SEC16B: variants seen among roughly 807,000 people sequenced by gnomAD.
SEC16B encodes the protein protein transport protein Sec16B.
A neutral mutation model predicts 141.8 loss-of-function variants in SEC16B; 115 were observed. That is an observed-to-expected ratio of 0.81 (90% CI 0.70 to 0.95). The LOEUF is 0.95. SEC16B is among the 40% of genes least tolerant of loss of function. SEC16B has a pLI of 0.00. For synonymous variants in SEC16B, 493 were observed against 492.5 expected (o/e 1.00, Z -0.01); for missense variants, 1,291 against 1,312.3 (o/e 0.98, Z 0.25).
At chr1:177,966,805 C>A (rs1306684300) in intron 2 of SEC16B, among the ~76,000 whole-genome samples, 1 of 152,196 alleles carries the variant, frequency 6.6e-6, no homozygotes, top group African/African-American at 2.4e-5. Flanking sequence ...GAACTCCCAA[C>A]CTCAGATGAT....
intron 13 of SEC16B, among the ~76,000 whole-genome samples, chr1:177,947,171 T>G (rs1304757111): frequency 6.6e-6 from 1 of 152,134 alleles, no homozygotes; most frequent in Non-Finnish European, 1.5e-5. Flanking sequence ...GAGCAATATT[T>G]TAAAAAGCCT....
chr1:177,971,219 T>C (rs540798553), upstream of SEC16B, among the ~76,000 whole-genome samples: 1 of 152,210 alleles, frequency 6.6e-6, no homozygotes, highest in South Asian at 2.1e-4. Context: ...GTAGCTGGGA[T>C]TACAGGTGCG....
chr1:177,948,240 T>A (rs1571324427), intron 12 of SEC16B: 6 of 890,552 alleles, frequency 6.7e-6, no homozygotes, highest in Non-Finnish European at 9.3e-6. Flanking sequence ...TTCTCCCCAG[T>A]GCCTGACCCC....
intron 12 of SEC16B, among the ~76,000 whole-genome samples, chr1:177,951,635 G>C (rs1439069756): frequency 6.6e-6 from 1 of 152,300 alleles, no homozygotes; most frequent in Middle Eastern, 3.4e-3. Flanking sequence ...GACAGATCCT[G>C]ACCCCACTAC....
At position 177,929,571 on chromosome 1, in the gene SEC16B, C is replaced by G. The variant is rs1254652150; in HGVS notation, c.*287G>C. ...TTCCCCAAGGCTCTCAAGCCACCAC[C>G]ATAAGTGCCACCACCATGTCACTCT... is the stretch of plus-strand genomic sequence containing the variant. On this transcript the variant is annotated 3_prime_UTR_variant, in exon 26 of 26. Transcript: ENST00000308284. 2.5e-6 allele frequency: 1 copy of G among 403,382 alleles called. No individual in the cohort carries two copies. The highest frequency in any genetic ancestry group is 4.0e-5 in the Admixed American group (1 of 25,078). The allele number at this position is 403,382 out of a possible 1,614,324, so 25.0% of individuals were successfully genotyped here. A position where few individuals can be genotyped will look rare whatever the true frequency, so the allele number is the denominator to read the frequency against.
At chr1:177,983,718 T>C (rs1488418223) in intron 1 of SEC16B, among the ~76,000 whole-genome samples, 1 of 152,178 alleles carries the variant, frequency 6.6e-6, no homozygotes, top group African/African-American at 2.4e-5. Context: ...TCTATATAGC[T>C]TGAGAGCAAA....
chr1:177,965,668 C>T (rs1362191484), intron 3 of SEC16B, among the ~76,000 whole-genome samples: 2 of 152,144 alleles, frequency 1.3e-5, no homozygotes, highest in Admixed American at 1.3e-4. Context: ...ACAAACTACC[C>T]ATAGTGCTAG....
At chr1:177,944,352 C>G (rs1413276936) in intron 15 of SEC16B, among the ~76,000 whole-genome samples, 2 of 152,194 alleles carry the variant, frequency 1.3e-5, no homozygotes, top group African/African-American at 4.8e-5. Flanking sequence ...AGCAGAGAGG[C>G]CTCTGCAAGG....
chr1:177,937,224 G>T lies in SEC16B; in HGVS notation c.2493C>A (p.His831Gln). ...GTVWEEMLQT[H>Q]LGPGENTVSQ... ...GCGGCCAGGTCTTACCAGGGCCCAGGTGTGTCTGCAGCATTTCCTCCCAGA... is the reference window on the plus strand; with the variant it reads ...GCGGCCAGGTCTTACCAGGGCCCAGTTGTGTCTGCAGCATTTCCTCCCAGA... Residue 831 changes from histidine (H) to glutamine (Q), a missense_variant, in exon 19 of 26, where the codon CAC becomes CAA. Around this residue, in one of 3 missense-constraint regions of SEC16B, gnomAD observed 605 missense variants for 614.1 expected, o/e 0.99. Transcript: ENST00000308284. The T allele has an allele frequency of 6.2e-7, 1 of 1,612,074 alleles. No homozygotes were observed. The highest frequency in any genetic ancestry group is 8.5e-7 in the Non-Finnish European group (1 of 1,179,074).
chr1:177,968,393 C>A (rs1468552466), intron 1 of SEC16B, among the ~76,000 whole-genome samples: 1 of 152,166 alleles, frequency 6.6e-6, no homozygotes, highest in Non-Finnish European at 1.5e-5. Flanking sequence ...TTAACACTTA[C>A]AGCGGAGGCC....
upstream of SEC16B, among the ~76,000 whole-genome samples, chr1:177,972,942 T>G (rs1654021651): frequency 6.6e-6 from 1 of 152,182 alleles, no homozygotes; most frequent in Non-Finnish European, 1.5e-5. Flanking sequence ...GATGGCCATC[T>G]GCAAACCAGG....
At chr1:177,960,229 G>A (rs973012520) in intron 8 of SEC16B, 113 bp downstream of exon 8, 4 of 739,954 alleles carry the variant, frequency 5.4e-6, no homozygotes, top group Non-Finnish European at 9.5e-6. Context: ...CTCCAACAAG[G>A]ACAGATATTT....
chr1:177,965,185 ACAAAAT>A lies in SEC16B; in HGVS notation c.413-24_413-19del. 1 of 1,612,152 alleles carries A rather than the reference ACAAAAT, an allele frequency of 6.2e-7. No individual in the cohort carries two copies. Among genetic ancestry groups the A allele is most frequent in the Non-Finnish European group, 8.5e-7 (1 of 1,179,226 alleles). ...CCTTGGCACTGCACCCTCAGAGAAA[ACAAAAT>A]CAAGACAGGTCACTTCCTGTTTCTG... On this transcript the variant is annotated intron_variant, in intron 3 of 25. Transcript: ENST00000308284.
intron 19 of SEC16B, among the ~76,000 whole-genome samples, chr1:177,936,876 T>C (rs1650882698): frequency 6.6e-6 from 1 of 152,278 alleles, no homozygotes; most frequent in Admixed American, 6.5e-5. Context: ...TGCAGGATGA[T>C]TGGAGAAAGA....
At chr1:177,976,021 T>G (rs1036556589) in intron 1 of SEC16B, among the ~76,000 whole-genome samples, 4 of 152,164 alleles carry the variant, frequency 2.6e-5, no homozygotes, top group Non-Finnish European at 4.4e-5. Flanking sequence ...AAGCTACCAG[T>G]GCCAGTCCTG....
intron 10 of SEC16B, among the ~76,000 whole-genome samples, chr1:177,955,391 A>C (rs576368659): frequency 6.6e-6 from 1 of 152,294 alleles, no homozygotes; most frequent in Admixed American, 6.5e-5. Flanking sequence ...TCTGTTGCCC[A>C]GGTTGGAGTG....
Position 177,933,250 on chromosome 1 carries a change from AG to A in SEC16B, c.2786del (p.Ala929ValfsTer30). ...GGCTGTCTGAGGAGTCCTCGTCTCCAGCGGGGGATGCGTTCTTGGTGGGCTT... is the reference window on the plus strand; with the variant it reads ...GGCTGTCTGAGGAGTCCTCGTCTCCACGGGGGATGCGTTCTTGGTGGGCTT... ...RSKPTKNASPAGDEDSSDSPD... is the reference protein window; with the variant it reads ...RSKPTKNASPXGDEDSSDSPD... On this transcript the variant is annotated frameshift_variant, in exon 22 of 26. Transcript: ENST00000308284. LOFTEE classifies it high-confidence loss of function. The A allele has an allele frequency of 6.3e-7, 1 of 1,596,642 alleles. No individual in the cohort carries two copies. The highest frequency in any genetic ancestry group is 8.5e-7 in the Non-Finnish European group (1 of 1,171,676).
intron 24 of SEC16B, 113 bp downstream of exon 24, chr1:177,932,377 A>G (rs1650488860): frequency 2.7e-6 from 2 of 739,794 alleles, no homozygotes; most frequent in South Asian, 4.4e-5. Context: ...CTAACACAGC[A>G]GAGAAGCATT....
upstream of SEC16B, chr1:177,973,248 T>A (rs1032831882): frequency 1.3e-5 from 2 of 152,184 alleles, no homozygotes; most frequent in African/African-American, 4.8e-5. Context: ...TAATGACTGG[T>A]TACTCTTGCA....
Sources: gnomAD v4.1 joint callset for allele counts (sites outside exome capture counted in the v4.1 genomes callset) on GRCh38, gnomAD v4.1.1 for gene constraint, gnomAD v4.1.1 regional missense constraint, MANE v1.5 for transcripts, NCBI Gene and HGNC (gene_info 2026-07-23, HGNC 2026-07-21) for gene names.